PDS5A: variants seen among roughly 807,000 people sequenced by gnomAD.
PDS5A encodes sister chromatid cohesion protein PDS5 homolog A.
PDS5A carries 42 observed loss-of-function variants against 167.1 expected under a neutral mutation model. The observed-to-expected ratio is 0.25, with a 90% CI of 0.20 to 0.33. PDS5A has a LOEUF of 0.33. Among genes scored for constraint, PDS5A ranks in the 10% least tolerant of loss-of-function variants. The probability of loss-of-function intolerance (pLI) is 1.00; values close to 1 mark genes in which losing one functional copy is unlikely to be tolerated. For missense variants in PDS5A, 1,033 were observed against 1,605.9 expected (o/e 0.64, Z 6.10); for synonymous variants, 553 against 554.6 (o/e 1.00, Z 0.04).
At chr4:39,972,224 A>AT (rs1352504181) in intron 2 of PDS5A, among the ~76,000 whole-genome samples, 1 of 152,200 alleles carries the variant, frequency 6.6e-6, no homozygotes, top group African/African-American at 2.4e-5. Context: ...TAAAAAAATA[A>AT]TATTGAGACA....
intron 28 of PDS5A, 37 bp downstream of exon 28, chr4:39,848,813 GT>G: frequency 6.6e-7 from 1 of 1,524,668 alleles, no homozygotes; most frequent in Non-Finnish European, 8.9e-7. Flanking sequence ...ATTGAAATCA[GT>G]TTAGTGTGGT....
chr4:39,976,497 C>G lies in PDS5A; in HGVS notation c.81G>C (p.Pro27=). 3 of 1,613,422 alleles carry G rather than the reference C, an allele frequency of 1.9e-6. No individual in the cohort carries two copies. Among genetic ancestry groups the G allele is most frequent in the Non-Finnish European group, 2.5e-6 (3 of 1,179,454 alleles). ...TCTTGTCGGTGATCTCTTTTACCCC[C>G]GGAGGGTAAGCGATCTTCCCGTCGG... The part of the protein sequence containing the change: ...VSADGKIAYP[P]GVKEITDKIT... The change falls in exon 2 of 33, where the codon CCG becomes CCC. Residue 27 remains proline (P), a synonymous_variant. Transcript: ENST00000303538.
intron 26 of PDS5A, among the ~76,000 whole-genome samples, chr4:39,851,233 T>C (rs1718094658): frequency 1.3e-5 from 2 of 152,018 alleles, no homozygotes; most frequent in Non-Finnish European, 1.5e-5. Context: ...TTTACCTTCA[T>C]ATAATCCTCA....
intron 2 of PDS5A, chr4:39,973,790 C>A: frequency 7.9e-7 from 1 of 1,263,140 alleles, no homozygotes; most frequent in Non-Finnish European, 1.2e-6. Flanking sequence ...CAGCCAGCAC[C>A]TCCTTCAGGT....
At chr4:39,896,128 A>G (rs1722390525) in intron 16 of PDS5A, among the ~76,000 whole-genome samples, 1 of 151,342 alleles carries the variant, frequency 6.6e-6, no homozygotes, top group Non-Finnish European at 1.5e-5. Context: ...CTGTAGGCTT[A>G]AAATCCTGGG....
intron 32 of PDS5A, among the ~76,000 whole-genome samples, chr4:39,834,139 C>G (rs888903911): frequency 6.6e-6 from 1 of 150,690 alleles, no homozygotes; most frequent in Non-Finnish European, 1.5e-5. Flanking sequence ...GAGGCAAGAC[C>G]GCATCATTGC....
chr4:39,849,673 G>A (rs765729376), intron 26 of PDS5A, 21 bp from the exon 27 acceptor site: 1 of 1,577,296 alleles, frequency 6.3e-7, no homozygotes, highest in East Asian at 2.2e-5. Context: ...ACATATTAAA[G>A]AGACTAGACG....
In PDS5A at chr4:39,823,241, A is replaced by C. The variant is rs1715011278; in HGVS notation, c.*2244T>G. On this transcript the variant is annotated 3_prime_UTR_variant, in exon 33 of 33. Transcript: ENST00000303538. Reference sequence around the variant, plus strand: ...AAAGGAAAACTAAAAAAATTCCCGTAAACAAGTCCCTCCCCATCAGCTTGG... The same window carrying C: ...AAAGGAAAACTAAAAAAATTCCCGTCAACAAGTCCCTCCCCATCAGCTTGG... The C allele has an allele frequency of 6.6e-6, 1 of 152,288 alleles. No homozygotes were observed. Among genetic ancestry groups the C allele is most frequent in the East Asian group, 1.9e-4 (1 of 5,200 alleles). The allele number at this position is 152,288 out of a possible 1,614,324, so 9.4% of individuals were successfully genotyped here.
intron 21 of PDS5A, among the ~76,000 whole-genome samples, chr4:39,872,542 G>A (rs1299652731): frequency 6.6e-6 from 1 of 152,202 alleles, no homozygotes; most frequent in East Asian, 1.9e-4. Context: ...ACAGGCACCT[G>A]TAATCCCAGC....
At chr4:39,866,818 A>C (rs745937603) in intron 23 of PDS5A, 43 bp downstream of exon 23, 1 of 1,576,930 alleles carries the variant, frequency 6.3e-7, no homozygotes. Context: ...AATTCCACCA[A>C]AATTTCAGCA....
chr4:39,912,776 CACT>C (rs1308471194), intron 9 of PDS5A, among the ~76,000 whole-genome samples: 1 of 152,176 alleles, frequency 6.6e-6, no homozygotes, highest in Non-Finnish European at 1.5e-5. Context: ...AATTTGTCAA[CACT>C]ACTATCAAGC....
At position 39,837,965 on chromosome 4, in the gene PDS5A, C is replaced by G; in HGVS notation, c.3901G>C (p.Val1301Leu). 1 of 1,614,048 alleles carries G rather than the reference C, an allele frequency of 6.2e-7. No individual in the cohort carries two copies. Among genetic ancestry groups the G allele is most frequent in the African/African-American group, 1.3e-5 (1 of 75,056 alleles). Residue 1301 changes from valine (V) to leucine (L), a missense_variant, in exon 32 of 33, where the codon GTG becomes CTG. Transcript: ENST00000303538. ...AAACCCCCAGGGCTCTCCTGACCCA[C>G]TGCAGCTCTCTTCCTTCCCTTGTTA... ...PINKGRKRAA[V>L]GQESPGGLEA...
chr4:39,889,260 G>A (rs947747596), intron 17 of PDS5A, among the ~76,000 whole-genome samples: 2 of 152,218 alleles, frequency 1.3e-5, no homozygotes, highest in African/African-American at 4.8e-5. Flanking sequence ...ATCTGTTTAT[G>A]AAGATGAGAG....
At chr4:39,967,327 A>G (rs1375192074) in intron 2 of PDS5A, among the ~76,000 whole-genome samples, 1 of 150,526 alleles carries the variant, frequency 6.6e-6, no homozygotes, top group Non-Finnish European at 1.5e-5. Context: ...AAAGAAACAA[A>G]TTTCACTCTA....
At chr4:39,966,156 A>G (rs1729948764) in intron 2 of PDS5A, among the ~76,000 whole-genome samples, 1 of 152,220 alleles carries the variant, frequency 6.6e-6, no homozygotes, top group Admixed American at 6.6e-5. Context: ...TTCTGAGCAG[A>G]ATCTTCTGCA....
At chr4:39,943,926 T>TCA (rs1356794292) in intron 2 of PDS5A, among the ~76,000 whole-genome samples, 1 of 151,664 alleles carries the variant, frequency 6.6e-6, no homozygotes, top group Non-Finnish European at 1.5e-5. Flanking sequence ...GCCTGTAATC[T>TCA]CAGCACTTCA....
At chr4:39,932,563 C>G (rs796954666) in intron 2 of PDS5A, 8 of 175,258 alleles carry the variant, frequency 4.6e-5, no homozygotes, top group African/African-American at 1.7e-4. Flanking sequence ...GAACATGCAG[C>G]GCTAAGCGCG....
intron 32 of PDS5A, among the ~76,000 whole-genome samples, chr4:39,828,756 A>G (rs925697796): frequency 2.0e-5 from 3 of 152,238 alleles, no homozygotes; most frequent in Non-Finnish European, 4.4e-5. Flanking sequence ...CTGTACTCAG[A>G]TCGACAAAAG....
chr4:39,862,742 A>C (rs978115066), intron 25 of PDS5A, 127 bp downstream of exon 25: 1 of 635,844 alleles, frequency 1.6e-6, no homozygotes, highest in African/African-American at 1.8e-5. Flanking sequence ...AACTACAATG[A>C]CAGCATTCTA....
Sources: allele counts gnomAD v4.1 joint callset (sites outside exome capture counted in the v4.1 genomes callset), GRCh38; gene constraint gnomAD v4.1.1; transcripts MANE v1.5; gene names NCBI Gene and HGNC (gene_info 2026-07-23, HGNC 2026-07-21).